SIRT3: variants seen among roughly 807,000 people sequenced by gnomAD.
SIRT3 encodes NAD-dependent protein deacetylase sirtuin-3, mitochondrial.
A neutral mutation model predicts 33.5 loss-of-function variants in SIRT3; 26 were observed. That is an observed-to-expected ratio of 0.78 (90% CI 0.57 to 1.08). The LOEUF (loss-of-function observed/expected upper bound fraction) is 1.08. Among genes scored for constraint, SIRT3 ranks in the 50% least tolerant of loss-of-function variants. The pLI, the probability that SIRT3 is intolerant of heterozygous loss-of-function variation, is 0.00. For missense variants in SIRT3, 585 were observed against 530.1 expected (o/e 1.10, Z -1.02); for synonymous variants, 237 against 222.1 (o/e 1.07, Z -0.60).
chr11:219,117 C>T (rs962828768), intron 5 of SIRT3, 76 bp from the exon 6 acceptor site: 4 of 1,499,400 alleles, frequency 2.7e-6, no homozygotes, highest in Non-Finnish European at 3.6e-6. Flanking sequence ...CCACAGCCAC[C>T]GAGGCCTTGG....
intron 4 of SIRT3, among the ~76,000 whole-genome samples, chr11:229,402 G>A (rs1310383659): frequency 1.3e-5 from 2 of 152,024 alleles, no homozygotes; most frequent in East Asian, 3.9e-4. Flanking sequence ...CCGAGATTGC[G>A]CCACTGCACT....
intron 6 of SIRT3, 133 bp from the exon 7 acceptor site, chr11:216,851 G>T: frequency 1.0e-6 from 1 of 961,326 alleles, no homozygotes; most frequent in Non-Finnish European, 1.7e-6. Context: ...TGCAAATACT[G>T]CTGCTGCTGT....
intron 1 of SIRT3, 163 bp from the exon 2 acceptor site, chr11:233,697 G>C (rs1239580177): frequency 1.5e-6 from 1 of 660,762 alleles, no homozygotes; most frequent in African/African-American, 1.8e-5. Flanking sequence ...ACGACTATTG[G>C]GGTACAACAA....
In SIRT3 at chr11:224,205, G is replaced by T; in HGVS notation, c.842C>A (p.Pro281Gln). 1 of 1,614,134 alleles carries T rather than the reference G, an allele frequency of 6.2e-7. No homozygotes were observed. Among genetic ancestry groups the T allele is most frequent in the Non-Finnish European group, 8.5e-7 (1 of 1,180,038 alleles). ...DVMADRVPRCPVCTGVVKPDI... is the reference protein window; with the variant it reads ...DVMADRVPRCQVCTGVVKPDI... ...GGGCTTCACAACGCCGGTGCAGACC[G>T]GGCAGCGGGGAACCCTGTCTGCCAT... is the stretch of plus-strand genomic sequence containing the variant. The change falls in exon 5 of 7, where the codon CCG (proline) becomes CAG (glutamine). Residue 281 changes from proline to glutamine, a missense_variant. Coordinates refer to ENST00000382743, the MANE Select transcript of SIRT3 (RefSeq NM_012239.6).
Position 223,739 on chromosome 11 carries a change from C to A in SIRT3, c.969+339G>T. The stretch of plus-strand genomic sequence containing the variant: ...GGCTGCTGCTCCCTCAGCCTGGAAC[C>A]CCAGCTGAATCCATTCACCTTCCCA... On this transcript the variant is annotated intron_variant, in intron 5 of 6. Coordinates refer to ENST00000382743, the MANE Select transcript of SIRT3 (RefSeq NM_012239.6). The surrounding 1 kb of genome is among the most constrained non-coding windows in gnomAD (Gnocchi z 4.8). 1 of 877,848 alleles carries A rather than the reference C, an allele frequency of 1.1e-6. No homozygotes were observed. Among genetic ancestry groups the A allele is most frequent in the Non-Finnish European group, 1.9e-6 (1 of 529,144 alleles). The allele number at this position is 877,848 out of a possible 1,614,324, so 54.4% of individuals were successfully genotyped here.
chr11:231,888 T>C (rs1248736233), intron 3 of SIRT3, among the ~76,000 whole-genome samples: 1 of 93,444 alleles, frequency 1.1e-5, no homozygotes, highest in African/African-American at 4.4e-5. Flanking sequence ...CCCGGAGAGC[T>C]GACTGTCCCA....
intron 4 of SIRT3, among the ~76,000 whole-genome samples, chr11:224,531 A>T (rs1182736992): frequency 6.6e-6 from 1 of 152,216 alleles, no homozygotes; most frequent in African/African-American, 2.4e-5. Context: ...ACCATGCTCT[A>T]TCCCTGGGAT....
chr11:218,477 G>A (rs1402326106), intron 6 of SIRT3, among the ~76,000 whole-genome samples: 1 of 152,206 alleles, frequency 6.6e-6, no homozygotes, highest in African/African-American at 2.4e-5. Context: ...GCTTCTCAAA[G>A]TTCTTTAACC....
chr11:223,843 CACA>C lies in SIRT3; in HGVS notation c.969+232_969+234del, dbSNP rs1856770951. 1 of 599,112 alleles carries C rather than the reference CACA, an allele frequency of 1.7e-6. No individual in the cohort carries two copies. Among genetic ancestry groups the C allele is most frequent in the East Asian group, 3.3e-5 (1 of 30,662 alleles). The allele number at this position is 599,112 out of a possible 1,614,324, so 37.1% of individuals were successfully genotyped here. On this transcript the variant is annotated intron_variant, in intron 5 of 6. Coordinates refer to ENST00000382743, the MANE Select transcript of SIRT3 (RefSeq NM_012239.6). The surrounding 1 kb of genome is among the most constrained non-coding windows in gnomAD (Gnocchi z 4.8). ...CCCCTGCCCTCCAGCCTCCTCCCTG[CACA>C]GGCCTGCCGACAGCCCATGAGATGA...
chr11:223,640 C>T lies in SIRT3; in HGVS notation c.969+438G>A. 1 of 507,496 alleles carries T rather than the reference C, an allele frequency of 2.0e-6. No individual in the cohort carries two copies. Among genetic ancestry groups the T allele is most frequent in the Non-Finnish European group, 3.7e-6 (1 of 272,248 alleles). 31.4% of individuals were successfully genotyped at this position (507,496 alleles called of 1,614,324 possible). ...CACCCCCATCCTTCTCCCTTCTCCT[C>T]ACACGTGGTGCCCCACCCACACCTA... On this transcript the variant is annotated intron_variant, in intron 5 of 6. Transcript: ENST00000382743. This position sits in a 1 kb window ranked among gnomAD's most constrained non-coding sequence, Gnocchi z 4.8.
chr11:226,436 T>C (rs1857180343), intron 4 of SIRT3, among the ~76,000 whole-genome samples: 1 of 152,142 alleles, frequency 6.6e-6, no homozygotes, highest in Non-Finnish European at 1.5e-5. Flanking sequence ...TGAGATGGCA[T>C]CTCGCTCTGT....
chr11:226,898 C>T (rs1857250753), intron 4 of SIRT3, among the ~76,000 whole-genome samples: 1 of 151,130 alleles, frequency 6.6e-6, no homozygotes, highest in Non-Finnish European at 1.5e-5. Flanking sequence ...AGATTATAGG[C>T]ATGCACCATC....
At position 233,733 on chromosome 11, in the gene SIRT3, GACTT is replaced by G. The variant is rs138823493; in HGVS notation, c.282-203_282-200del. On this transcript the variant is annotated intron_variant, in intron 1 of 6. Coordinates refer to ENST00000382743, the MANE Select transcript of SIRT3 (RefSeq NM_012239.6). ...AAAGCAGTCATAAATCAGAAATCAA[GACTT>G]ACTTGGGAGCAAAAAATTCAGGTTA... is the stretch of plus-strand genomic sequence containing the variant. 6.5e-3 allele frequency: 3,860 copies of G among 589,402 alleles called. 76 individuals are homozygous for G. Among genetic ancestry groups the G allele is most frequent in the African/African-American group, 0.047 (2,514 of 53,622 alleles). 36.5% of individuals were successfully genotyped at this position (589,402 alleles called of 1,614,324 possible). A position where few individuals can be genotyped will look rare whatever the true frequency, so the allele number is the denominator to read the frequency against.
At chr11:217,734 A>C (rs1411762864) in intron 6 of SIRT3, among the ~76,000 whole-genome samples, 2 of 152,242 alleles carry the variant, frequency 1.3e-5, no homozygotes, top group African/African-American at 4.8e-5. Context: ...GACAAGGAAA[A>C]AGGATCAGGA....
At chr11:225,150 AG>A (rs1372885028) in intron 4 of SIRT3, among the ~76,000 whole-genome samples, 1 of 151,694 alleles carries the variant, frequency 6.6e-6, no homozygotes. Flanking sequence ...GCAGTGGCTC[AG>A]CTCTGTAATC....
At chr11:234,869 ACT>A (rs1436774647) in intron 1 of SIRT3, among the ~76,000 whole-genome samples, 1 of 149,216 alleles carries the variant, frequency 6.7e-6, no homozygotes, top group Admixed American at 6.7e-5. Flanking sequence ...TGAACGACTG[ACT>A]CTTCGGGATC....
intron 4 of SIRT3, chr11:225,888 G>A (rs530879614): frequency 6.6e-6 from 1 of 152,382 alleles, no homozygotes; most frequent in East Asian, 1.9e-4. Flanking sequence ...AAGCAAGTGA[G>A]GGCTACTGAG....
At chr11:233,255 G>C in intron 2 of SIRT3, 40 bp from the exon 3 acceptor site, 1 of 1,604,900 alleles carries the variant, frequency 6.2e-7, no homozygotes, top group Non-Finnish European at 8.5e-7. Flanking sequence ...CTTTGGAAGA[G>C]GACAGGGAAG....
chr11:218,793 A>G, intron 6 of SIRT3, 39 bp downstream of exon 6: 1 of 1,613,982 alleles, frequency 6.2e-7, no homozygotes, highest in Non-Finnish European at 8.5e-7. Context: ...AGCAGTGAGA[A>G]GGGCAGCCCC....
Sources: allele counts gnomAD v4.1 joint callset (sites outside exome capture counted in the v4.1 genomes callset), GRCh38; gene constraint gnomAD v4.1.1; non-coding constraint Gnocchi (gnomAD v3.1); transcripts MANE v1.5; gene names NCBI Gene and HGNC (gene_info 2026-07-23, HGNC 2026-07-21).